PCDHGA8: variants seen among roughly 807,000 people sequenced by gnomAD.
PCDHGA8 encodes protocadherin gamma subfamily A, 8, also known as protocadherin gamma-A8.
Under a neutral mutation model 59.2 loss-of-function variants are expected in PCDHGA8, and 45 were observed. That is an observed-to-expected ratio of 0.76 (90% CI 0.60 to 0.98). PCDHGA8 has a LOEUF of 0.98. PCDHGA8 is among the 50% of genes least tolerant of loss of function. The pLI is 0.00. For synonymous variants in PCDHGA8, 531 were observed against 519.0 expected (o/e 1.02, Z -0.32); for missense variants, 1,257 against 1,196.2 (o/e 1.05, Z -0.75).
intron 1 of PCDHGA8, among the ~76,000 whole-genome samples, chr5:141,449,677 A>G (rs543079734): frequency 6.3e-4 from 96 of 151,362 alleles, no homozygotes; most frequent in Non-Finnish European, 1.1e-3. Flanking sequence ...GTGTATGTAT[A>G]TATGTTTGTG....
chr5:141,476,459 C>T lies in PCDHGA8; in HGVS notation c.2425-18348C>T. On this transcript the variant is annotated intron_variant, in intron 1 of 3. Coordinates refer to ENST00000398604, the MANE Select transcript of PCDHGA8 (RefSeq NM_032088.2). The surrounding 1 kb of genome is among the most constrained non-coding windows in gnomAD (Gnocchi z 7.6). ...AACTCTGGAGTTGGTAGTGGAGAACCCGCTGGAGCTGTTCAGCGTGGAAGT... is the reference window on the plus strand; with the variant it reads ...AACTCTGGAGTTGGTAGTGGAGAACTCGCTGGAGCTGTTCAGCGTGGAAGT... 6.2e-7 allele frequency: 1 copy of T among 1,614,048 alleles called. No individual in the cohort carries two copies. Among genetic ancestry groups the T allele is most frequent in the Non-Finnish European group, 8.5e-7 (1 of 1,180,006 alleles).
rs376101780 is a variant in PCDHGA8, at chr5:141,485,901, A to G, written c.2425-8906A>G. 3 of 1,614,026 alleles carry G rather than the reference A, an allele frequency of 1.9e-6. No homozygotes were observed. In the African/African-American group the frequency reaches 4.0e-5, roughly 22 times the overall value. Reference sequence around the variant, plus strand: ...GTAAACGACAACGCCCCAGCCTTCCAGCAATCCAGCTACAGGATTAGTGTG... The same window carrying G: ...GTAAACGACAACGCCCCAGCCTTCCGGCAATCCAGCTACAGGATTAGTGTG... On this transcript the variant is annotated intron_variant, in intron 1 of 3. Coordinates refer to ENST00000398604, the MANE Select transcript of PCDHGA8 (RefSeq NM_032088.2). This position sits in a 1 kb window ranked among gnomAD's most constrained non-coding sequence, Gnocchi z 5.7.
chr5:141,467,775 C>T (rs1464827506), intron 1 of PCDHGA8, among the ~76,000 whole-genome samples: 1 of 151,960 alleles, frequency 6.6e-6, no homozygotes, highest in Non-Finnish European at 1.5e-5. Context: ...GCCCGCACCT[C>T]AGCCTCTCAA....
intron 1 of PCDHGA8, among the ~76,000 whole-genome samples, chr5:141,472,245 T>A (rs1217786736): frequency 6.6e-6 from 1 of 152,144 alleles, no homozygotes; most frequent in East Asian, 1.9e-4. Context: ...ACTTTCTATT[T>A]TAAAGTTATA....
chr5:141,423,956 A>T, intron 1 of PCDHGA8: 4 of 1,182,724 alleles, frequency 3.4e-6, no homozygotes, highest in Non-Finnish European at 4.2e-6. Context: ...TTTTAGTATT[A>T]TTTTTCTATT....
intron 1 of PCDHGA8, among the ~76,000 whole-genome samples, chr5:141,402,766 A>T (rs1321674206): frequency 6.6e-6 from 1 of 152,232 alleles, no homozygotes; most frequent in African/African-American, 2.4e-5. Context: ...TCAGGACTCC[A>T]TCCGGATTTC....
At position 141,394,290 on chromosome 5, in the gene PCDHGA8, G is replaced by C. The variant is rs759077173; in HGVS notation, c.1477G>C (p.Glu493Gln). The change falls in exon 1 of 4, where the codon GAG (glutamate) becomes CAG (glutamine). Residue 493 changes from glutamate to glutamine, a missense_variant. Transcript: ENST00000398604. ...ENAQVTYSVT[E>Q]DTLQGAPLSS... Reference sequence around the variant, plus strand: ...TGCCCAGGTCACTTACTCTGTGACCGAGGACACGCTGCAGGGGGCGCCCCT... The same window carrying C: ...TGCCCAGGTCACTTACTCTGTGACCCAGGACACGCTGCAGGGGGCGCCCCT... 3.1e-6 allele frequency: 5 copies of C among 1,613,918 alleles called. No homozygotes were observed. The highest frequency in any genetic ancestry group is 1.7e-5 in the Admixed American group (1 of 60,016).
intron 2 of PCDHGA8, among the ~76,000 whole-genome samples, chr5:141,504,704 A>G (rs965376942): frequency 1.3e-5 from 2 of 151,356 alleles, no homozygotes; most frequent in African/African-American, 4.8e-5. Flanking sequence ...AGGTTCTTCT[A>G]TGGCCGTGGA....
chr5:141,495,982 T>C (rs2099765062), intron 2 of PCDHGA8, among the ~76,000 whole-genome samples: 2 of 152,144 alleles, frequency 1.3e-5, no homozygotes. Context: ...TACTCTTTCT[T>C]TATCTCTCTT....
chr5:141,398,345 C>T (rs1442407908), intron 1 of PCDHGA8: 29 of 1,379,896 alleles, frequency 2.1e-5, no homozygotes, highest in Non-Finnish European at 2.8e-5. Context: ...TCGGAGAAGC[C>T]TTACTTCACC....
chr5:141,418,036 G>T, intron 1 of PCDHGA8: 1 of 1,614,020 alleles, frequency 6.2e-7, no homozygotes, highest in Non-Finnish European at 8.5e-7. Context: ...TTAGTGTCCT[G>T]GATGTGTCGG....
intron 1 of PCDHGA8, chr5:141,418,214 G>A: frequency 6.2e-7 from 1 of 1,614,064 alleles, no homozygotes; most frequent in Non-Finnish European, 8.5e-7. Flanking sequence ...TATTTTTCAT[G>A]TCATTGTGGT....
rs755254491 is a variant in PCDHGA8, at chr5:141,409,746, T to TCG, written c.2424+14513_2424+14514dup. On this transcript the variant is annotated intron_variant, in intron 1 of 3. Transcript: ENST00000398604. ...GTGAGCGCGCAGAGCGGGGTGGTGT[T>TCG]CGCGCAGCGCGCCTTTGATCACGAG... The TCG allele has an allele frequency of 3.1e-6, 5 of 1,613,024 alleles. No homozygotes were observed. The South Asian group carries it at 5.5e-5, about 18-fold the overall frequency.
At chr5:141,443,665 AACT>A (rs2154560310) in intron 1 of PCDHGA8, among the ~76,000 whole-genome samples, 1 of 152,358 alleles carries the variant, frequency 6.6e-6, no homozygotes, top group African/African-American at 2.4e-5. Context: ...CATTTTACTG[AACT>A]AGTAGTTTAC....
rs2154581798 is a variant in PCDHGA8, at chr5:141,489,799, G to T, written c.2425-5008G>T. 1 of 1,614,192 alleles carries T rather than the reference G, an allele frequency of 6.2e-7. No homozygotes were observed. The highest frequency in any genetic ancestry group is 2.2e-5 in the East Asian group (1 of 44,884). On this transcript the variant is annotated intron_variant, in intron 1 of 3. Coordinates refer to ENST00000398604, the MANE Select transcript of PCDHGA8 (RefSeq NM_032088.2). The surrounding 1 kb of genome is among the most constrained non-coding windows in gnomAD (Gnocchi z 4.5). Reference sequence around the variant, plus strand: ...CTCTCTGAATGTGAAGACCCTAAAAGATGGGAAGCCATTCCCAGAGCTGGT... The same window carrying T: ...CTCTCTGAATGTGAAGACCCTAAAATATGGGAAGCCATTCCCAGAGCTGGT...
chr5:141,401,353 AAGG>A (rs772220375), intron 1 of PCDHGA8, among the ~76,000 whole-genome samples: 7 of 152,166 alleles, frequency 4.6e-5, no homozygotes, highest in African/African-American at 7.2e-5. Flanking sequence ...AAAAAAAAGG[AAGG>A]AGAAGGAGAG....
intron 1 of PCDHGA8, chr5:141,413,201 A>G (rs746209535): frequency 1.9e-6 from 3 of 1,611,954 alleles, no homozygotes; most frequent in Non-Finnish European, 2.5e-6. Context: ...AATCGCTCAA[A>G]GGAATCAAAG....
chr5:141,434,727 A>C (rs1344107083), intron 1 of PCDHGA8, among the ~76,000 whole-genome samples: 1 of 152,052 alleles, frequency 6.6e-6, no homozygotes. Context: ...CAGGGCTCTC[A>C]GCTCTGAAGG....
At chr5:141,470,734 G>C (rs970003510) in intron 1 of PCDHGA8, among the ~76,000 whole-genome samples, 1 of 152,128 alleles carries the variant, frequency 6.6e-6, no homozygotes, top group South Asian at 2.1e-4. Context: ...GTCTTGCTCT[G>C]TCGCCCTGGC....
Sources: allele counts gnomAD v4.1 joint callset (sites outside exome capture counted in the v4.1 genomes callset), GRCh38; gene constraint gnomAD v4.1.1; non-coding constraint Gnocchi (gnomAD v3.1); transcripts MANE v1.5; gene names NCBI Gene and HGNC (gene_info 2026-07-23, HGNC 2026-07-21).